Variants in ATP13A2 observed in about 807,000 individuals in gnomAD.
ATP13A2 encodes the protein polyamine-transporting ATPase 13A2.
In ATP13A2, 83 loss-of-function variants were observed where a neutral mutation model predicts 138.3. The ratio of observed to expected loss-of-function variants is 0.60; its 90% CI spans 0.50 to 0.72. The LOEUF (loss-of-function observed/expected upper bound fraction) is 0.72. ATP13A2 is among the 30% of genes least tolerant of loss of function. The probability of loss-of-function intolerance (pLI) is 0.00; values close to 1 mark genes in which losing one functional copy is unlikely to be tolerated. For missense variants in ATP13A2, 1,402 were observed against 1,606.4 expected, an observed-to-expected ratio of 0.87 and a Z score of 2.17; for synonymous variants, 663 against 699.0, an observed-to-expected ratio of 0.95 and a Z score of 0.81.
At chr1:16,996,612 T>C (rs1181763153) in intron 12 of ATP13A2, 116 bp from the exon 13 acceptor site, 2 of 835,964 alleles carry the variant, frequency 2.4e-6, no homozygotes, top group Admixed American at 2.0e-5. Context: ...TTTGTGAAAT[T>C]AGCCATCAGC....
chr1:16,986,002 C>T lies in ATP13A2; in HGVS notation c.*219G>A. 1 of 1,455,276 alleles carries T rather than the reference C, an allele frequency of 6.9e-7. No homozygotes were observed. Among genetic ancestry groups the T allele is most frequent in the Non-Finnish European group, 9.1e-7 (1 of 1,102,102 alleles). The allele number at this position is 1,455,276 out of a possible 1,614,324, so 90.1% of individuals were successfully genotyped here. Reference sequence around the variant, plus strand: ...TTTATTTGCTACACTGACAGCAGCACTGAGGGGAGCTGGGGGCTGCCACCC... The same window carrying T: ...TTTATTTGCTACACTGACAGCAGCATTGAGGGGAGCTGGGGGCTGCCACCC... On this transcript the variant is annotated 3_prime_UTR_variant, in exon 29 of 29. Transcript: ENST00000326735. This position sits in a 1 kb window ranked among gnomAD's most constrained non-coding sequence, Gnocchi z 6.9.
Position 17,002,469 on chromosome 1 carries a change from C to T in ATP13A2, c.558-96G>A, listed in dbSNP as rs2077397651. ...CTGGAGACTATGGGCTCTAGGCCCCCCATCCCCGTTCTGCCACACTGAGCT... is the reference window on the plus strand; with the variant it reads ...CTGGAGACTATGGGCTCTAGGCCCCTCATCCCCGTTCTGCCACACTGAGCT... On this transcript the variant is annotated intron_variant, in intron 6 of 28. Coordinates refer to ENST00000326735, the MANE Select transcript of ATP13A2 (RefSeq NM_022089.4). 4 of 1,403,956 alleles carry T rather than the reference C, an allele frequency of 2.8e-6. No homozygotes were observed. The South Asian group carries it at 5.0e-5, about 17-fold the overall frequency. The allele number at this position is 1,403,956 out of a possible 1,614,324, so 87.0% of individuals were successfully genotyped here.
chr1:16,996,081 C>T lies in ATP13A2; in HGVS notation c.1437G>A (p.Val479=), dbSNP rs367695021. 5.6e-6 allele frequency: 9 copies of T among 1,614,002 alleles called. No homozygotes were observed. The African/African-American group carries it at 8.0e-5, about 14-fold the overall frequency. ...GTCGGCTCTGGGCGTAGAGCGTGCA[C>T]ACAGTCATGGCAGCAGGCAGGGCAG... ...VPPALPAAMT[V]CTLYAQSRLR... The change falls in exon 15 of 29, where the codon GTG becomes GTA. Residue 479 remains valine (V), a synonymous_variant. Coordinates refer to ENST00000326735, the MANE Select transcript of ATP13A2 (RefSeq NM_022089.4).
At chr1:16,998,308 G>A (rs534196571) in intron 11 of ATP13A2, among the ~76,000 whole-genome samples, 1 of 152,108 alleles carries the variant, frequency 6.6e-6, no homozygotes, top group African/African-American at 2.4e-5. Context: ...AGGCTCAAAC[G>A]ATCCTCCCAC....
At position 16,993,838 on chromosome 1, in the gene ATP13A2, G is replaced by A. The variant is rs1016003381; in HGVS notation, c.1543-3C>T. On this transcript the variant is annotated splice_region_variant and splice_polypyrimidine_tract_variant and intron_variant, in intron 15 of 28. Transcript: ENST00000326735. ...CCGTCCTCAGTGAGGGTGCCCGTCT[G>A]TGGGAGACAGGTGGGTGGGGCAGCG... The A allele has an allele frequency of 1.2e-5, 19 of 1,549,038 alleles. No homozygotes were observed. The highest frequency in any genetic ancestry group is 2.4e-5 in the East Asian group (1 of 41,506).
In ATP13A2 at chr1:16,986,447, C is replaced by A. The variant is rs757418466; in HGVS notation, c.3405+16G>T. On this transcript the variant is annotated intron_variant, in intron 28 of 28. Coordinates refer to ENST00000326735, the MANE Select transcript of ATP13A2 (RefSeq NM_022089.4). This position sits in a 1 kb window ranked among gnomAD's most constrained non-coding sequence, Gnocchi z 6.9. ...CTCCCTTCTCTCCCGCTGCTGAGACCCAGGGCGGGCCCCACCTCCAGCATG... is the reference window on the plus strand; with the variant it reads ...CTCCCTTCTCTCCCGCTGCTGAGACACAGGGCGGGCCCCACCTCCAGCATG... 4 of 1,611,186 alleles carry A rather than the reference C, an allele frequency of 2.5e-6. No individual in the cohort carries two copies. In the South Asian group the frequency reaches 3.3e-5, roughly 13 times the overall value.
In ATP13A2 at chr1:17,004,601, A is replaced by G; in HGVS notation, c.477+91T>C. The G allele has an allele frequency of 1.2e-6, 2 of 1,610,838 alleles. No homozygotes were observed. Among genetic ancestry groups the G allele is most frequent in the Non-Finnish European group, 1.7e-6 (2 of 1,177,812 alleles). ...GGATGTTTGGGACAACAGAACTAAA[A>G]GGTGGTGGGAGAACATGAAGTCTGA... On this transcript the variant is annotated intron_variant, in intron 5 of 28. Transcript: ENST00000326735. The surrounding 1 kb of genome is among the most constrained non-coding windows in gnomAD (Gnocchi z 4.1).
rs1452530015 is a variant in ATP13A2, at chr1:17,000,276, T to C, written c.877A>G (p.Met293Val). The change falls in exon 10 of 29, where the codon ATG becomes GTG. Residue 293 changes from methionine to valine, a missense_variant. Transcript: ENST00000326735. ...CCTGGCCGGCACACGCACACCCGCA[T>C]GGACAACTTGACCATGTCCCTTAGA... ...QTLRDMVKLS[M>V]RVCVCRPGGE... 2 of 1,499,800 alleles carry C rather than the reference T, an allele frequency of 1.3e-6. No homozygotes were observed. The highest frequency in any genetic ancestry group is 9.0e-7 in the Non-Finnish European group (1 of 1,115,248). The allele number at this position is 1,499,800 out of a possible 1,614,324, so 92.9% of individuals were successfully genotyped here.
rs1371164424 is a variant in ATP13A2, at chr1:16,990,176, G to A, written c.2363C>T (p.Ser788Phe). 6.2e-7 allele frequency: 1 copy of A among 1,614,018 alleles called. No homozygotes were observed. The highest frequency in any genetic ancestry group is 1.3e-5 in the African/African-American group (1 of 75,054). ...ATHPERGQPASLEFLPMESPT... is the reference protein window; with the variant it reads ...ATHPERGQPAFLEFLPMESPT... The stretch of plus-strand genomic sequence containing the variant: ...GGACTCCATCGGCAGGAACTCGAGA[G>A]AGGCAGGCTGACCCCGCTCAGGGTG... The change falls in exon 21 of 29, where the codon TCT becomes TTT. Residue 788 changes from serine to phenylalanine, a missense_variant. Ser to Phe is a radical substitution (Grantham distance 155). Coordinates refer to ENST00000326735, the MANE Select transcript of ATP13A2 (RefSeq NM_022089.4).
chr1:17,005,186 C>A, intron 3 of ATP13A2, 114 bp from the exon 4 acceptor site: 1 of 1,494,314 alleles, frequency 6.7e-7, no homozygotes. Context: ...TATGGAGAGC[C>A]CTCCAGAAAC....
chr1:16,986,691 C>T lies in ATP13A2; in HGVS notation c.3236-59G>A, dbSNP rs1350780461. On this transcript the variant is annotated intron_variant, in intron 27 of 28. Transcript: ENST00000326735. This position sits in a 1 kb window ranked among gnomAD's most constrained non-coding sequence, Gnocchi z 6.9. ...CGCCCCCCCGGCACCCACAGACACACGTGTGCACGCCAGTCTTCCACTCGG... is the reference window on the plus strand; with the variant it reads ...CGCCCCCCCGGCACCCACAGACACATGTGTGCACGCCAGTCTTCCACTCGG... 1.8e-5 allele frequency: 29 copies of T among 1,569,736 alleles called. No individual in the cohort carries two copies. Among genetic ancestry groups the T allele is most frequent in the Non-Finnish European group, 2.2e-5 (25 of 1,162,216 alleles).
At chr1:17,010,353 C>T (rs1340187131) in intron 1 of ATP13A2, among the ~76,000 whole-genome samples, 4 of 152,196 alleles carry the variant, frequency 2.6e-5, no homozygotes, top group East Asian at 1.9e-4. Context: ...GCTGGGATTA[C>T]AGGCGTGAGC....
rs760170294 is a variant in ATP13A2, at chr1:16,987,142, A to G, written c.2987T>C (p.Leu996Pro). Residue 996 changes from leucine to proline, a missense_variant, in exon 26 of 29, where the codon CTG (leucine) becomes CCG (proline). Transcript: ENST00000326735. ...VLGRVRPPGA[L>P]LSVPVLSSLL... Reference sequence around the variant, plus strand: ...GCTGCTGAGCACGGGCACGCTGAGCAGCGCCCCCGGTGGCCGCACCCGTCC... The same window carrying G: ...GCTGCTGAGCACGGGCACGCTGAGCGGCGCCCCCGGTGGCCGCACCCGTCC... 1 of 1,613,022 alleles carries G rather than the reference A, an allele frequency of 6.2e-7. No individual in the cohort carries two copies. Among genetic ancestry groups the G allele is most frequent in the Non-Finnish European group, 8.5e-7 (1 of 1,179,632 alleles).
At position 16,986,969 on chromosome 1, in the gene ATP13A2, G is replaced by A; in HGVS notation, c.3084-13C>T. 1.9e-6 allele frequency: 3 copies of A among 1,613,502 alleles called. No homozygotes were observed. The highest frequency in any genetic ancestry group is 2.5e-6 in the Non-Finnish European group (3 of 1,179,624). ...CAGAGGCACGAACCTGGGGGTACAGGGATGGGGGTCAGGGAACGAACGTGG... is the reference window on the plus strand; with the variant it reads ...CAGAGGCACGAACCTGGGGGTACAGAGATGGGGGTCAGGGAACGAACGTGG... On this transcript the variant is annotated splice_polypyrimidine_tract_variant and intron_variant, in intron 26 of 28. Coordinates refer to ENST00000326735, the MANE Select transcript of ATP13A2 (RefSeq NM_022089.4). The surrounding 1 kb of genome is among the most constrained non-coding windows in gnomAD (Gnocchi z 6.9).
chr1:17,008,835 G>T (rs1054750649), intron 1 of ATP13A2, among the ~76,000 whole-genome samples: 5 of 152,032 alleles, frequency 3.3e-5, no homozygotes. Flanking sequence ...GTGGTGGCAG[G>T]CGCCTGTAGT....
intron 1 of ATP13A2, among the ~76,000 whole-genome samples, chr1:17,010,906 T>C (rs2077762098): frequency 1.3e-5 from 2 of 152,268 alleles, no homozygotes; most frequent in South Asian, 4.1e-4. Context: ...GGGGAGCTCC[T>C]GTCTTCTGCC....
In ATP13A2 at chr1:17,011,603, TCCCGCTTCCTGGGCTCGCGAC is replaced by T; in HGVS notation, c.10+105_10+125del. ...GGACGGGCCAGGATCCCCAACCAGG[TCCCGCTTCCTGGGCTCGCGAC>T]CCCGCGGTGGGGGGCGTCGCCTCCC... On this transcript the variant is annotated intron_variant, in intron 1 of 28. Coordinates refer to ENST00000326735, the MANE Select transcript of ATP13A2 (RefSeq NM_022089.4). This position sits in a 1 kb window ranked among gnomAD's most constrained non-coding sequence, Gnocchi z 7.3. The T allele has an allele frequency of 8.0e-7, 1 of 1,242,680 alleles. No homozygotes were observed. Among genetic ancestry groups the T allele is most frequent in the Non-Finnish European group, 1.0e-6 (1 of 955,218 alleles). 77.0% of individuals were successfully genotyped at this position (1,242,680 alleles called of 1,614,324 possible).
rs865939676 is a variant in ATP13A2, at chr1:16,991,827, C to A, written c.2158G>T (p.Gly720Trp). 2.5e-6 allele frequency: 4 copies of A among 1,614,126 alleles called. No individual in the cohort carries two copies. Among genetic ancestry groups the A allele is most frequent in the Non-Finnish European group, 3.4e-6 (4 of 1,180,032 alleles). ...DTVEGDLSLL[G>W]LLVMRNLLKP... ...AGTAGGTTCCTCATGACCAGCAGCC[C>A]CAGGAGGCTCAGGTCTCCTTCCACA... is the stretch of plus-strand genomic sequence containing the variant. Residue 720 changes from glycine (G) to tryptophan (W), a missense_variant, in exon 20 of 29, where the codon GGG becomes TGG. Coordinates refer to ENST00000326735, the MANE Select transcript of ATP13A2 (RefSeq NM_022089.4).
At chr1:16,994,884 G>C (rs530034757) in intron 15 of ATP13A2, among the ~76,000 whole-genome samples, 1 of 152,032 alleles carries the variant, frequency 6.6e-6, no homozygotes, top group South Asian at 2.1e-4. Context: ...GGCTGGTCTT[G>C]AACTCCTGAC....
Sources: gnomAD v4.1 joint callset for allele counts (sites outside exome capture counted in the v4.1 genomes callset) on GRCh38, gnomAD v4.1.1 for gene constraint, Gnocchi (gnomAD v3.1) non-coding constraint, MANE v1.5 for transcripts, NCBI Gene and HGNC (gene_info 2026-07-23, HGNC 2026-07-21) for gene names.